The following UGGT2 variants were observed in gnomAD, a reference collection of about 807,000 sequenced individuals.
UGGT2 encodes UDP-glucose:glycoprotein glucosyltransferase 2.
UGGT2 carries 180 observed loss-of-function variants against 192.1 expected under a neutral mutation model. The observed-to-expected ratio is 0.94, with a 90% CI of 0.83 to 1.06. UGGT2 has a LOEUF of 1.06. Ranked by LOEUF, UGGT2 falls within the 50% of genes least tolerant of loss-of-function variation. The pLI is 0.00. For synonymous variants in UGGT2, 580 were observed against 591.0 expected, an observed-to-expected ratio of 0.98 and a Z score of 0.27; for missense variants, 1,849 against 1,795.7, an observed-to-expected ratio of 1.03 and a Z score of -0.54.
intron 2 of UGGT2, among the ~76,000 whole-genome samples, chr13:96,025,173 C>T (rs1048489774): frequency 3.3e-5 from 5 of 152,162 alleles, no homozygotes; most frequent in African/African-American, 4.8e-5. Flanking sequence ...GTTATCTTTG[C>T]AAATAGGGTA....
rs540353310 is a variant in UGGT2 at position 95,944,386 on chromosome 13, A to C, written c.1677+2651T>G. 6.2e-4 allele frequency among the ~76,000 whole-genome samples: 94 copies of C among 152,202 alleles called. 1 individual carries two copies. Among genetic ancestry groups the C allele is most frequent in the African/African-American group, 1.9e-3 (79 of 41,568 alleles). On this transcript the variant is annotated intron_variant, in intron 15 of 38. Transcript: ENST00000376747. ...TGCTAGTTTTAAAACATGGTCTCCAAATTCTTCAACACTCCTTCCATTGAG... is the reference window on the plus strand; with the variant it reads ...TGCTAGTTTTAAAACATGGTCTCCACATTCTTCAACACTCCTTCCATTGAG...
intron 1 of UGGT2, among the ~76,000 whole-genome samples, chr13:96,051,350 G>C (rs552616075): frequency 1.3e-5 from 2 of 152,156 alleles, no homozygotes; most frequent in East Asian, 3.9e-4. Flanking sequence ...GGGGAGCGGG[G>C]GATAGCATTA....
chr13:95,886,425 T>C (rs375898980), intron 26 of UGGT2, among the ~76,000 whole-genome samples: 14 of 152,362 alleles, frequency 9.2e-5, no homozygotes, highest in African/African-American at 3.4e-4. Context: ...TAGATTATGC[T>C]TGCTTATATG....
At chr13:96,029,833 A>G (rs2052779321) in intron 2 of UGGT2, among the ~76,000 whole-genome samples, 1 of 152,246 alleles carries the variant, frequency 6.6e-6, no homozygotes, top group Non-Finnish European at 1.5e-5. Flanking sequence ...AATAAAAAAT[A>G]GCACTGAATA....
chr13:95,805,703 C>A (rs926486577), intron 38 of UGGT2, among the ~76,000 whole-genome samples: 5 of 151,982 alleles, frequency 3.3e-5, no homozygotes, highest in African/African-American at 1.2e-4. Context: ...ACTATATTAT[C>A]CCACTTATAT....
chr13:95,821,231 C>T (rs116462571), intron 38 of UGGT2, among the ~76,000 whole-genome samples: 358 of 152,260 alleles, frequency 2.4e-3, no homozygotes, highest in African/African-American at 8.3e-3. Context: ...TCCCTTTTCA[C>T]CACATCCATG....
rs761263707 is a variant in UGGT2 at position 96,023,641 on chromosome 13, C to A, written c.360G>T (p.Gln120His). ...TATTTTTACGCACCTGCTGAAACATCTGAATAGCTGGGGAGTATGCCCTTA... is the reference window on the plus strand; with the variant it reads ...TATTTTTACGCACCTGCTGAAACATATGAATAGCTGGGGAGTATGCCCTTA... ...FSIRAYSPAI[Q>H]MFQQIAADEP... The change falls in exon 3 of 39, where the codon CAG (glutamine) becomes CAT (histidine). Residue 120 changes from glutamine (Q) to histidine (H), a missense_variant. Transcript: ENST00000376747. 2 of 1,607,288 alleles carry A rather than the reference C, an allele frequency of 1.2e-6. No individual in the cohort carries two copies. Among genetic ancestry groups the A allele is most frequent in the Admixed American group, 1.7e-5 (1 of 59,430 alleles).
chr13:95,837,649 C>A (rs1887447461), intron 36 of UGGT2, among the ~76,000 whole-genome samples: 1 of 152,172 alleles, frequency 6.6e-6, no homozygotes, highest in Non-Finnish European at 1.5e-5. Flanking sequence ...ATGCTCAGAG[C>A]TCTCTAAGTA....
At chr13:95,805,596 CT>C (rs768675294) in intron 38 of UGGT2, among the ~76,000 whole-genome samples, 1 of 152,008 alleles carries the variant, frequency 6.6e-6, no homozygotes, top group Non-Finnish European at 1.5e-5. Flanking sequence ...TTTATCCAGT[CT>C]TTTAAAAGGG....
At chr13:95,883,002 G>C (rs1322210089) in intron 27 of UGGT2, among the ~76,000 whole-genome samples, 1 of 151,924 alleles carries the variant, frequency 6.6e-6, no homozygotes, top group African/African-American at 2.4e-5. Context: ...CATTTGTTAA[G>C]TTTTTCTCAT....
chr13:95,807,286 G>A (rs1884351959), intron 38 of UGGT2, among the ~76,000 whole-genome samples: 1 of 152,136 alleles, frequency 6.6e-6, no homozygotes, highest in African/African-American at 2.4e-5. Context: ...CTAAGGAAGA[G>A]GAGTTGTTAG....
At chr13:95,947,353 A>T (rs2049906458) in intron 14 of UGGT2, among the ~76,000 whole-genome samples, 181 bp from the exon 15 acceptor site, 1 of 152,188 alleles carries the variant, frequency 6.6e-6, no homozygotes, top group Non-Finnish European at 1.5e-5. Flanking sequence ...AAATCCACAT[A>T]GCTACTGGAT....
chr13:95,841,488 G>A (rs956372651), intron 36 of UGGT2, among the ~76,000 whole-genome samples: 8 of 152,150 alleles, frequency 5.3e-5, no homozygotes, highest in African/African-American at 1.2e-4. Context: ...GGTCAGTTGC[G>A]TAGCCAGCCA....
chr13:95,801,622 T>TTCAATACA lies in UGGT2; in HGVS notation c.*160_*167dup, dbSNP rs1253198027. On this transcript the variant is annotated 3_prime_UTR_variant, in exon 39 of 39. Coordinates refer to ENST00000376747, the MANE Select transcript of UGGT2 (RefSeq NM_020121.4). ...TCATTTATTATATAACTTAAACTCATTCAATACATTAAATAACTGTTTTAA... is the reference window on the plus strand; with the variant it reads ...TCATTTATTATATAACTTAAACTCATTCAATACATCAATACATTAAATAACTGTTTTAA... 3.3e-6 allele frequency: 2 copies of TTCAATACA among 603,802 alleles called. No individual in the cohort carries two copies. The highest frequency in any genetic ancestry group is 6.6e-5 in the Admixed American group (2 of 30,362). The allele number at this position is 603,802 out of a possible 1,614,324, so 37.4% of individuals were successfully genotyped here. A position where few individuals can be genotyped will look rare whatever the true frequency, so the allele number is the denominator to read the frequency against.
chr13:95,891,588 C>G (rs938457710), intron 24 of UGGT2, among the ~76,000 whole-genome samples: 3 of 152,052 alleles, frequency 2.0e-5, no homozygotes, highest in African/African-American at 7.2e-5. Context: ...CAGAGGGAGA[C>G]AGTCAATTCT....
At chr13:96,016,271 T>C (rs912862433) in intron 4 of UGGT2, among the ~76,000 whole-genome samples, 2 of 152,214 alleles carry the variant, frequency 1.3e-5, no homozygotes, top group East Asian at 1.9e-4. Context: ...AAGTGGGCTA[T>C]TGGGCAACCA....
chr13:95,899,944 T>C (rs2048054875), intron 22 of UGGT2, among the ~76,000 whole-genome samples: 1 of 152,022 alleles, frequency 6.6e-6, no homozygotes. Flanking sequence ...CATTAGAACT[T>C]TGAAGATGAT....
intron 33 of UGGT2, among the ~76,000 whole-genome samples, chr13:95,858,547 A>G (rs1304645270): frequency 6.6e-6 from 1 of 152,144 alleles, no homozygotes; most frequent in Non-Finnish European, 1.5e-5. Flanking sequence ...GCTGGAAGAA[A>G]TAAGTGCTAT....
chr13:95,808,316 C>T (rs1884418617), intron 38 of UGGT2, among the ~76,000 whole-genome samples: 1 of 152,106 alleles, frequency 6.6e-6, no homozygotes, highest in Non-Finnish European at 1.5e-5. Flanking sequence ...ATCTTAAGAC[C>T]AACTGCATTT....
Sources: allele counts gnomAD v4.1 joint callset (sites outside exome capture counted in the v4.1 genomes callset), GRCh38; gene constraint gnomAD v4.1.1; transcripts MANE v1.5; gene names NCBI Gene and HGNC (gene_info 2026-07-23, HGNC 2026-07-21).